Variants in TRIO observed in about 807,000 individuals in gnomAD.
The protein encoded by TRIO is trio Rho guanine nucleotide exchange factor.
Under a neutral mutation model 351.9 loss-of-function variants are expected in TRIO, and 58 were observed. The observed-to-expected ratio is 0.16, with a 90% CI of 0.13 to 0.21. The LOEUF (loss-of-function observed/expected upper bound fraction) is 0.21, where lower values mean the gene tolerates loss of function less well. Among genes scored for constraint, TRIO ranks in the 10% least tolerant of loss-of-function variants. TRIO has a pLI of 1.00. For synonymous variants in TRIO, 1,758 were observed against 1,595.7 expected, an observed-to-expected ratio of 1.10 and a Z score of -2.42; for missense variants, 3,201 against 4,027.8, an observed-to-expected ratio of 0.79 and a Z score of 5.56.
At chr5:14,143,945 C>G (rs1386458771) in intron 1 of TRIO, 63 bp downstream of exon 1, 2 of 1,020,932 alleles carry the variant, frequency 2.0e-6, no homozygotes, top group African/African-American at 3.5e-5. Flanking sequence ...CGACCCGCCG[C>G]GGAGCTGCCG....
intron 34 of TRIO, among the ~76,000 whole-genome samples, chr5:14,440,162 A>G (rs1751909540): frequency 6.6e-6 from 1 of 152,228 alleles, no homozygotes; most frequent in East Asian, 1.9e-4. Flanking sequence ...AAAAATTATT[A>G]ATATAAAGAA....
At chr5:14,297,311 C>G (rs779183187) in intron 7 of TRIO, 48 bp downstream of exon 7, 1 of 1,568,538 alleles carries the variant, frequency 6.4e-7, no homozygotes, top group South Asian at 1.2e-5. Flanking sequence ...CAGAATAGTT[C>G]TTCCTCCATG....
intron 1 of TRIO, among the ~76,000 whole-genome samples, chr5:14,184,436 T>C (rs746348030): frequency 5.3e-5 from 8 of 152,238 alleles, no homozygotes; most frequent in Non-Finnish European, 1.0e-4. Flanking sequence ...GGCAATGTTA[T>C]TGAGACTTTG....
chr5:14,378,786 C>CTGACCTCAGGTGATCTGCCTACCT (rs1368658306), intron 20 of TRIO, among the ~76,000 whole-genome samples: 2 of 152,138 alleles, frequency 1.3e-5, no homozygotes, highest in African/African-American at 2.4e-5. Flanking sequence ...TCTCGAACTC[C>CTGACCTCAGGTGATCTGCCTACCT]TGACCTCAGG....
At chr5:14,371,422 C>T (rs1745093389) in intron 18 of TRIO, among the ~76,000 whole-genome samples, 1 of 152,096 alleles carries the variant, frequency 6.6e-6, no homozygotes, top group African/African-American at 2.4e-5. Context: ...TATTTTACTC[C>T]TTACCCAACT....
intron 1 of TRIO, among the ~76,000 whole-genome samples, chr5:14,173,717 G>C (rs572368617): frequency 6.6e-6 from 1 of 152,338 alleles, no homozygotes; most frequent in Non-Finnish European, 1.5e-5. Flanking sequence ...GACAGATTAA[G>C]AGACTGACTT....
chr5:14,344,201 T>G (rs545885611), intron 11 of TRIO, among the ~76,000 whole-genome samples: 17 of 152,202 alleles, frequency 1.1e-4, no homozygotes, highest in Admixed American at 5.2e-4. Flanking sequence ...GACTGCATCA[T>G]CAGCCCCTGT....
intron 33 of TRIO, among the ~76,000 whole-genome samples, chr5:14,411,179 G>T (rs1749168058): frequency 6.6e-6 from 1 of 152,128 alleles, no homozygotes; most frequent in Non-Finnish European, 1.5e-5. Context: ...TTAATCATCT[G>T]TCATTTTCCA....
chr5:14,275,467 C>A (rs1311050585), intron 2 of TRIO, among the ~76,000 whole-genome samples: 2 of 152,022 alleles, frequency 1.3e-5, no homozygotes, highest in Non-Finnish European at 2.9e-5. Flanking sequence ...TAAAACTTAG[C>A]ATAATTCCAC....
At chr5:14,305,684 T>C (rs929937876) in intron 8 of TRIO, among the ~76,000 whole-genome samples, 5 of 152,194 alleles carry the variant, frequency 3.3e-5, no homozygotes, top group Non-Finnish European at 2.9e-5. Flanking sequence ...ATATTTCCTG[T>C]TGTGCTTCAC....
At position 14,474,048 on chromosome 5, in the gene TRIO, G is replaced by A. The variant is rs1404226075; in HGVS notation, c.6034G>A (p.Asp2012Asn). Residue 2012 changes from aspartate (D) to asparagine (N), a missense_variant, in exon 40 of 57, where the codon GAC becomes AAC. Asp to Asn is a conservative substitution (Grantham distance 23). Around this residue, in one of 19 missense-constraint regions of TRIO, gnomAD observed 307 missense variants for 396.5 expected, o/e 0.77. Coordinates refer to ENST00000344204, the MANE Select transcript of TRIO (RefSeq NM_007118.4). ...TGTTCCTGATGACATGAAAGGAAAA[G>A]ACAAAATTGTGTTCGGCAACATCCA... ...DGVPDDMKGK[D>N]KIVFGNIHQI... 6.2e-7 allele frequency: 1 copy of A among 1,613,356 alleles called. No homozygotes were observed. The highest frequency in any genetic ancestry group is 1.1e-5 in the South Asian group (1 of 91,016).
chr5:14,406,353 A>G, intron 32 of TRIO: 1 of 576,008 alleles, frequency 1.7e-6, no homozygotes, highest in South Asian at 2.1e-5. Flanking sequence ...ACTATATTTT[A>G]TGGTGATGGG....
At chr5:14,406,231 C>G in intron 32 of TRIO, 1 of 611,708 alleles carries the variant, frequency 1.6e-6, no homozygotes, top group Non-Finnish European at 2.8e-6. Flanking sequence ...GCCTTTCTCA[C>G]CCCGAGCACC....
chr5:14,260,109 A>G (rs921822131), intron 1 of TRIO, among the ~76,000 whole-genome samples: 2 of 152,212 alleles, frequency 1.3e-5, no homozygotes, highest in Non-Finnish European at 2.9e-5. Flanking sequence ...TTATTCACTA[A>G]TGGGCTTTGT....
At chr5:14,287,693 A>G (rs59261323) in intron 4 of TRIO, among the ~76,000 whole-genome samples, 1,720 of 151,664 alleles carry the variant, frequency 0.011, 30 homozygotes, top group African/African-American at 0.04. Flanking sequence ...GGTTCTGACA[A>G]GGCCTTCGGT....
Position 14,497,087 on chromosome 5 carries a change from T to A in TRIO, c.8019+70T>A. The stretch of plus-strand genomic sequence containing the variant: ...AGAAAGGATCAGGGAGGGCAGAGAC[T>A]CTGCAGACCTGAAGCTGGGCTTGCT... On this transcript the variant is annotated intron_variant, in intron 50 of 56. Coordinates refer to ENST00000344204, the MANE Select transcript of TRIO (RefSeq NM_007118.4). This position sits in a 1 kb window ranked among gnomAD's most constrained non-coding sequence, Gnocchi z 4.4. 1 of 1,575,022 alleles carries A rather than the reference T, an allele frequency of 6.3e-7. No individual in the cohort carries two copies. The highest frequency in any genetic ancestry group is 8.6e-7 in the Non-Finnish European group (1 of 1,159,898).
chr5:14,461,405 G>A, intron 35 of TRIO, 94 bp downstream of exon 35: 1 of 1,402,808 alleles, frequency 7.1e-7, no homozygotes. Context: ...AAACTGGTTT[G>A]GTTCTGTTTT....
At chr5:14,162,489 A>G (rs1410581546) in intron 1 of TRIO, among the ~76,000 whole-genome samples, 1 of 152,220 alleles carries the variant, frequency 6.6e-6, no homozygotes, top group Non-Finnish European at 1.5e-5. Context: ...CAGAGTTCAT[A>G]TTGAGTGAGA....
At position 14,507,281 on chromosome 5, in the gene TRIO, G is replaced by A. The variant is rs773649152; in HGVS notation, c.8751+21G>A. On this transcript the variant is annotated intron_variant, in intron 56 of 56. Transcript: ENST00000344204. ...TAAAGGTTGGTGAGGCCCCGGGCAG[G>A]TGAAGGGGGGTCTGAGCACACCGGC... 2.5e-6 allele frequency: 4 copies of A among 1,610,304 alleles called. 1 individual carries two copies. The Admixed American group carries it at 6.7e-5, about 27-fold the overall frequency.
Sources: gnomAD v4.1 joint callset for allele counts (sites outside exome capture counted in the v4.1 genomes callset) on GRCh38, gnomAD v4.1.1 for gene constraint, gnomAD v4.1.1 regional missense constraint, Gnocchi (gnomAD v3.1) non-coding constraint, MANE v1.5 for transcripts, NCBI Gene and HGNC (gene_info 2026-07-23, HGNC 2026-07-21) for gene names.